KCNQ2: variants seen among roughly 807,000 people sequenced by gnomAD.
KCNQ2 encodes potassium voltage-gated channel subfamily KQT member 2.
KCNQ2 carries 14 observed loss-of-function variants against 84.8 expected under a neutral mutation model. The observed-to-expected ratio is 0.17, with a 90% CI of 0.11 to 0.26. KCNQ2 has a LOEUF of 0.26. KCNQ2 is among the 10% of genes least tolerant of loss of function. The probability of loss-of-function intolerance (pLI) is 1.00; values close to 1 mark genes in which losing one functional copy is unlikely to be tolerated. For missense variants in KCNQ2, 788 were observed against 1,254.0 expected (o/e 0.63, Z 5.61); for synonymous variants, 599 against 554.1 (o/e 1.08, Z -1.14).
chr20:63,439,311 C>T (rs1385273409), intron 6 of KCNQ2, among the ~76,000 whole-genome samples: 1 of 152,232 alleles, frequency 6.6e-6, no homozygotes, highest in African/African-American at 2.4e-5. Flanking sequence ...CCTGCTCAGC[C>T]CCACTCAGAC....
Position 63,400,467 on chromosome 20 carries a change from G to A in KCNQ2, c.*6177C>T, listed in dbSNP as rs922993962. 1.3e-5 allele frequency: 5 copies of A among 397,346 alleles called. No individual in the cohort carries two copies. Among genetic ancestry groups the A allele is most frequent in the East Asian group, 3.6e-5 (1 of 28,052 alleles). The allele number at this position is 397,346 out of a possible 1,614,324, so 24.6% of individuals were successfully genotyped here. A position where few individuals can be genotyped will look rare whatever the true frequency, so the allele number is the denominator to read the frequency against. ...GGGCGTCTATCCCTAGAAAATGGAC[G>A]GTGCACAAAGTTGAGATTGAAGTGT... On this transcript the variant is annotated 3_prime_UTR_variant, in exon 17 of 17. Coordinates refer to ENST00000359125, the MANE Select transcript of KCNQ2 (RefSeq NM_172107.4). The surrounding 1 kb of genome is among the most constrained non-coding windows in gnomAD (Gnocchi z 8.7).
intron 1 of KCNQ2, among the ~76,000 whole-genome samples, chr20:63,454,486 C>T (rs1054824333): frequency 1.3e-5 from 2 of 152,210 alleles, no homozygotes; most frequent in South Asian, 2.1e-4. Context: ...GCAAAGATCC[C>T]GGTGCCTCGG....
At position 63,468,167 on chromosome 20, in the gene KCNQ2, G is replaced by C. The variant is rs143725788; in HGVS notation, c.296+4001C>G. Among the ~76,000 whole-genome samples, 426 of 152,260 alleles carry C rather than the reference G, an allele frequency of 2.8e-3. 1 individual carries two copies. The highest frequency in any genetic ancestry group is 9.8e-3 in the African/African-American group (409 of 41,552). ...GGGGTCCAGGAACCAGAGAAATCCA[G>C]GTTTCCCCAGAAACCACAACTCTCC... On this transcript the variant is annotated intron_variant, in intron 1 of 16. Transcript: ENST00000359125.
chr20:63,408,337 A>G lies in KCNQ2; in HGVS notation c.1887+76T>C, dbSNP rs1411323926. Reference sequence around the variant, plus strand: ...GCCCTCCGTGGCACCCAGCCCCTGAAGCCCACACTGCCACAGGTTGACGGC... The same window carrying G: ...GCCCTCCGTGGCACCCAGCCCCTGAGGCCCACACTGCCACAGGTTGACGGC... On this transcript the variant is annotated intron_variant, in intron 16 of 16. Coordinates refer to ENST00000359125, the MANE Select transcript of KCNQ2 (RefSeq NM_172107.4). The surrounding 1 kb of genome is among the most constrained non-coding windows in gnomAD (Gnocchi z 5.0). 1 of 1,574,382 alleles carries G rather than the reference A, an allele frequency of 6.4e-7. No individual in the cohort carries two copies. Among genetic ancestry groups the G allele is most frequent in the East Asian group, 2.2e-5 (1 of 44,468 alleles).
At chr20:63,455,922 C>T (rs2081776200) in intron 1 of KCNQ2, among the ~76,000 whole-genome samples, 1 of 115,128 alleles carries the variant, frequency 8.7e-6, no homozygotes, top group Non-Finnish European at 1.8e-5. Context: ...TCCGGGAGGC[C>T]CCTCTGCTCA....
intron 4 of KCNQ2, among the ~76,000 whole-genome samples, 161 bp from the exon 5 acceptor site, chr20:63,442,692 T>C (rs62208027): frequency 0.48 from 23,775 of 49,472 alleles, 5,047 homozygotes; most frequent in Non-Finnish European, 0.5. Flanking sequence ...ACCATCACCA[T>C]CACCACCATC....
chr20:63,448,817 C>CA lies in KCNQ2; in HGVS notation c.297-1981dup, dbSNP rs113031381. The stretch of plus-strand genomic sequence containing the variant: ...TGACCTGCTGGGCCGGGGCACTGGC[C>CA]ACAGGCATGGGCATCCTGGGGGGGA... On this transcript the variant is annotated intron_variant, in intron 1 of 16. Transcript: ENST00000359125. Among the ~76,000 whole-genome samples, 223 of 152,144 alleles carry CA rather than the reference C, an allele frequency of 1.5e-3. 1 individual carries two copies. The highest frequency in any genetic ancestry group is 4.4e-3 in the African/African-American group (181 of 41,496).
chr20:63,450,800 C>T (rs1253395312), intron 1 of KCNQ2, among the ~76,000 whole-genome samples: 1 of 151,890 alleles, frequency 6.6e-6, no homozygotes, highest in Non-Finnish European at 1.5e-5. Context: ...TCACAGGGCA[C>T]TCTACCAAGA....
intron 5 of KCNQ2, 147 bp downstream of exon 5, chr20:63,442,259 C>T (rs879134283): frequency 1.7e-5 from 19 of 1,129,140 alleles, no homozygotes; most frequent in African/African-American, 1.1e-4. Flanking sequence ...CACCCCGCCT[C>T]GACCACAAGC....
chr20:63,460,555 T>A lies in KCNQ2; in HGVS notation c.296+11613A>T, dbSNP rs2145863905. Reference sequence around the variant, plus strand: ...TCCAGTCCCTGGCCCCCTACAAACGTCCTAGTGAGTGCTCTCTCTCGGCCT... The same window carrying A: ...TCCAGTCCCTGGCCCCCTACAAACGACCTAGTGAGTGCTCTCTCTCGGCCT... On this transcript the variant is annotated intron_variant, in intron 1 of 16. Coordinates refer to ENST00000359125, the MANE Select transcript of KCNQ2 (RefSeq NM_172107.4). The surrounding 1 kb of genome is among the most constrained non-coding windows in gnomAD (Gnocchi z 5.4). Among the ~76,000 whole-genome samples the A allele has an allele frequency of 6.6e-6, 1 of 150,966 alleles. No homozygotes were observed. The highest frequency in any genetic ancestry group is 2.4e-5 in the African/African-American group (1 of 40,942).
chr20:63,437,595 CCTT>C (rs769413186), intron 7 of KCNQ2, among the ~76,000 whole-genome samples: 1 of 152,250 alleles, frequency 6.6e-6, no homozygotes, highest in Non-Finnish European at 1.5e-5. Flanking sequence ...TGTCAAATCT[CCTT>C]CTTATAAGGA....
chr20:63,443,115 CACT>C lies in KCNQ2; in HGVS notation c.691-587_691-585del, dbSNP rs1393343988. Among the ~76,000 whole-genome samples, 28 of 95,836 alleles carry C rather than the reference CACT, an allele frequency of 2.9e-4. 1 individual carries two copies. Among genetic ancestry groups the C allele is most frequent in the Admixed American group, 8.6e-4 (9 of 10,504 alleles). The allele number at this position is 95,836 out of a possible 152,430, so 62.9% of individuals were successfully genotyped here. A position where few individuals can be genotyped will look rare whatever the true frequency, so the allele number is the denominator to read the frequency against. On this transcript the variant is annotated intron_variant, in intron 4 of 16. Transcript: ENST00000359125. ...TCACCACCATCACCATCACCACCAC[CACT>C]ATCACCACCACCACCATCATCACCA...
intron 8 of KCNQ2, chr20:63,433,393 C>T (rs767930284): frequency 6.0e-6 from 2 of 331,150 alleles, no homozygotes; most frequent in Non-Finnish European, 1.1e-5. Flanking sequence ...AGCCCTAGGT[C>T]CTTGATGGGG....
At chr20:63,416,215 G>T (rs984535812) in intron 12 of KCNQ2, among the ~76,000 whole-genome samples, 7 of 152,354 alleles carry the variant, frequency 4.6e-5, no homozygotes, top group Admixed American at 4.6e-4. Context: ...CCCTCGGCCT[G>T]CGAGGCGTGA....
At chr20:63,424,443 G>A (rs1018697136) in intron 10 of KCNQ2, 22 of 586,972 alleles carry the variant, frequency 3.7e-5, no homozygotes, top group African/African-American at 1.3e-4. Context: ...TCCATGGGGC[G>A]GGGGCCTCTG....
At chr20:63,452,165 G>A (rs954584739) in intron 1 of KCNQ2, among the ~76,000 whole-genome samples, 1 of 151,722 alleles carries the variant, frequency 6.6e-6, no homozygotes, top group African/African-American at 2.4e-5. Flanking sequence ...CAAAGATGAA[G>A]GCGCAGGGGC....
chr20:63,445,821 A>G lies in KCNQ2; in HGVS notation c.388-457T>C, dbSNP rs1314655866. On this transcript the variant is annotated intron_variant, in intron 2 of 16. Coordinates refer to ENST00000359125, the MANE Select transcript of KCNQ2 (RefSeq NM_172107.4). The stretch of plus-strand genomic sequence containing the variant: ...TGGGAGGCCCTGTCTGAGCTGGGGG[A>G]CCCTGTCTGAGCTGGGAGGCCCTGT... Among the ~76,000 whole-genome samples the G allele has an allele frequency of 3.7e-4, 29 of 78,526 alleles. 1 individual carries two copies. The highest frequency in any genetic ancestry group is 5.2e-4 in the South Asian group (1 of 1,920). The allele number at this position is 78,526 out of a possible 152,430, so 51.5% of individuals were successfully genotyped here. A position where few individuals can be genotyped will look rare whatever the true frequency, so the allele number is the denominator to read the frequency against.
At chr20:63,458,736 G>A (rs932618026) in intron 1 of KCNQ2, among the ~76,000 whole-genome samples, 1 of 152,176 alleles carries the variant, frequency 6.6e-6, no homozygotes, top group Non-Finnish European at 1.5e-5. Flanking sequence ...CCACATCCAG[G>A]CAGGCGGCAG....
chr20:63,456,088 G>A (rs557217679), intron 1 of KCNQ2, among the ~76,000 whole-genome samples: 7 of 113,982 alleles, frequency 6.1e-5, no homozygotes, highest in Admixed American at 1.7e-4. Context: ...CCCACCTCCG[G>A]GAGGCCCCTC....
Sources: allele counts gnomAD v4.1 joint callset (sites outside exome capture counted in the v4.1 genomes callset), GRCh38; gene constraint gnomAD v4.1.1; non-coding constraint Gnocchi (gnomAD v3.1); transcripts MANE v1.5; gene names NCBI Gene and HGNC (gene_info 2026-07-23, HGNC 2026-07-21).